The following COBLL1 variants were observed in gnomAD, a reference collection of about 807,000 sequenced individuals.
COBLL1 encodes the protein cordon-bleu WH2 repeat protein like 1, also known as cordon-bleu protein-like 1.
COBLL1 carries 50 observed loss-of-function variants against 94.8 expected under a neutral mutation model. The ratio of observed to expected loss-of-function variants is 0.53; its 90% CI spans 0.42 to 0.67. COBLL1 has a LOEUF of 0.67. Among genes scored for constraint, COBLL1 ranks in the 30% least tolerant of loss-of-function variants. The probability of loss-of-function intolerance (pLI) is 0.00; values close to 1 mark genes in which losing one functional copy is unlikely to be tolerated. For synonymous variants in COBLL1, 448 were observed against 473.8 expected (o/e 0.95, Z 0.71); for missense variants, 1,362 against 1,348.7 (o/e 1.01, Z -0.15).
intron 2 of COBLL1, chr2:164,779,538 C>T (rs1404152551): frequency 1.8e-5 from 6 of 342,334 alleles, no homozygotes; most frequent in South Asian, 1.5e-4. Context: ...TTCCTCCTTG[C>T]TCTTAATGAC....
At chr2:164,743,391 C>A (rs1686695851) in intron 3 of COBLL1, 1 of 226,798 alleles carries the variant, frequency 4.4e-6, no homozygotes, top group South Asian at 8.2e-5. Flanking sequence ...TAACTAATGG[C>A]CATTCCTCCA....
In COBLL1 at chr2:164,721,428, C is replaced by A. The variant is rs1685435843; in HGVS notation, c.996+647G>T. ...AAAGTAGTTTGCAAATGGATCTCCA[C>A]AAAATGGCAAACTCAGGGAAAATTT... On this transcript the variant is annotated intron_variant, in intron 7 of 13. Coordinates refer to ENST00000652658, the MANE Select transcript of COBLL1 (RefSeq NM_001365672.2). Among the ~76,000 whole-genome samples the A allele has an allele frequency of 4.6e-5, 7 of 152,120 alleles. No individual in the cohort carries two copies. In the South Asian group the frequency reaches 1.5e-3, roughly 32 times the overall value.
intron 2 of COBLL1, among the ~76,000 whole-genome samples, chr2:164,759,067 T>A (rs1256293927): frequency 6.6e-6 from 1 of 152,230 alleles, no homozygotes; most frequent in Non-Finnish European, 1.5e-5. Flanking sequence ...TGGGAATGCA[T>A]GTCAGCCAAG....
chr2:164,800,172 C>G (rs917059585), intron 2 of COBLL1, among the ~76,000 whole-genome samples: 2 of 152,078 alleles, frequency 1.3e-5, no homozygotes, highest in Non-Finnish European at 2.9e-5. Flanking sequence ...ATTTCCAAAT[C>G]ACATATCAGA....
chr2:164,737,796 C>T (rs771630602), intron 3 of COBLL1, among the ~76,000 whole-genome samples: 1 of 152,108 alleles, frequency 6.6e-6, no homozygotes, highest in Non-Finnish European at 1.5e-5. Flanking sequence ...CAATAGGTGG[C>T]GCTGTAATCC....
intron 12 of COBLL1, among the ~76,000 whole-genome samples, chr2:164,693,680 G>T (rs1336555044): frequency 6.6e-6 from 1 of 152,050 alleles, no homozygotes; most frequent in Non-Finnish European, 1.5e-5. Context: ...ACATATTATA[G>T]TTGAAAGTTG....
intron 2 of COBLL1, among the ~76,000 whole-genome samples, chr2:164,661,696 T>C (rs1054375138): frequency 3.3e-5 from 5 of 152,158 alleles, no homozygotes; most frequent in South Asian, 2.1e-4. Flanking sequence ...ATTTTAAATA[T>C]TGAAATAGAG....
rs1559033267 is a variant in COBLL1, at chr2:164,805,317, C to G, written c.41+35839G>C. On this transcript the variant is annotated intron_variant, in intron 2 of 13. Coordinates refer to ENST00000652658, the MANE Select transcript of COBLL1 (RefSeq NM_001365672.2). ...TCTCTCTCTCTCTCTCTCTCTCTCT[C>G]TCTCTCTCTCTCTCTCTCTCTATAT... Among the ~76,000 whole-genome samples, 79 of 35,608 alleles carry G rather than the reference C, an allele frequency of 2.2e-3. 3 individuals are homozygous for G. The highest frequency in any genetic ancestry group is 2.7e-3 in the Non-Finnish European group (47 of 17,350). 23.4% of individuals were successfully genotyped at this position (35,608 alleles called of 152,430 possible).
At chr2:164,799,054 T>C (rs1008570566) in intron 2 of COBLL1, among the ~76,000 whole-genome samples, 1 of 143,774 alleles carries the variant, frequency 7.0e-6, no homozygotes, top group Admixed American at 6.9e-5. Context: ...GGTAAGCAAG[T>C]GGTTGCTTAC....
At chr2:164,792,107 C>A (rs757075371) in intron 2 of COBLL1, among the ~76,000 whole-genome samples, 4 of 151,286 alleles carry the variant, frequency 2.6e-5, no homozygotes, top group Non-Finnish European at 5.9e-5. Context: ...TCTTTCTATT[C>A]TTTATTTATT....
At chr2:164,747,144 C>T (rs781341038) in intron 2 of COBLL1, among the ~76,000 whole-genome samples, 21 of 151,786 alleles carry the variant, frequency 1.4e-4, no homozygotes, top group Non-Finnish European at 2.8e-4. Context: ...GTCCTTACCA[C>T]CAAAAAATAA....
At chr2:164,825,528 C>A (rs1294360471) in intron 2 of COBLL1, among the ~76,000 whole-genome samples, 1 of 152,088 alleles carries the variant, frequency 6.6e-6, no homozygotes, top group Non-Finnish European at 1.5e-5. Context: ...AATTATAGAA[C>A]AAAATCACTT....
intron 4 of COBLL1, among the ~76,000 whole-genome samples, chr2:164,729,064 C>A (rs1485911817): frequency 1.3e-5 from 2 of 151,584 alleles, no homozygotes; most frequent in Non-Finnish European, 3.0e-5. Flanking sequence ...TAATAAACAC[C>A]TAGACAGAAA....
chr2:164,819,839 T>C (rs1177889639), intron 2 of COBLL1, among the ~76,000 whole-genome samples: 3 of 152,020 alleles, frequency 2.0e-5, no homozygotes, highest in Non-Finnish European at 4.4e-5. Flanking sequence ...TGTTTGTTTG[T>C]TTTTGAGACA....
At chr2:164,801,520 G>T (rs1683804245) in intron 2 of COBLL1, among the ~76,000 whole-genome samples, 1 of 150,226 alleles carries the variant, frequency 6.7e-6, no homozygotes, top group African/African-American at 2.5e-5. Context: ...TTCTTGGGAG[G>T]CTGAGGTGGA....
chr2:164,672,628 A>G (rs1451346752), intron 1 of COBLL1, among the ~76,000 whole-genome samples: 2 of 145,302 alleles, frequency 1.4e-5, no homozygotes, highest in South Asian at 2.2e-4. Flanking sequence ...GAACCCGGGA[A>G]GCGGAGCTTG....
Position 164,837,459 on chromosome 2 carries a change from A to T in COBLL1, c.41+3697T>A, listed in dbSNP as rs1448718559. 1.5e-5 allele frequency: 7 copies of T among 466,746 alleles called. No individual in the cohort carries two copies. The East Asian group carries it at 3.5e-4, about 23-fold the overall frequency. The allele number at this position is 466,746 out of a possible 1,614,324, so 28.9% of individuals were successfully genotyped here. A position where few individuals can be genotyped will look rare whatever the true frequency, so the allele number is the denominator to read the frequency against. ...CTATCGCTCTCTTCTCCAATGCAGCATTTCAATTTTCCAACCAGTGTCTCC... is the reference window on the plus strand; with the variant it reads ...CTATCGCTCTCTTCTCCAATGCAGCTTTTCAATTTTCCAACCAGTGTCTCC... On this transcript the variant is annotated intron_variant, in intron 2 of 13. Coordinates refer to ENST00000652658, the MANE Select transcript of COBLL1 (RefSeq NM_001365672.2).
At position 164,700,556 on chromosome 2, in the gene COBLL1, C is replaced by T; in HGVS notation, c.1426G>A (p.Glu476Lys). 1 of 1,613,598 alleles carries T rather than the reference C, an allele frequency of 6.2e-7. No homozygotes were observed. Among genetic ancestry groups the T allele is most frequent in the Non-Finnish European group, 8.5e-7 (1 of 1,179,672 alleles). ...GSGEFSQNSMEEKQETKSTDG... is the reference protein window; with the variant it reads ...GSGEFSQNSMKEKQETKSTDG... ...GTGCTTTTAGTTTCTTGTTTTTCTT[C>T]CATGGAGTTTTGTGAGAACTCTCCA... The change falls in exon 10 of 14, where the codon GAA (glutamate) becomes AAA (lysine). Residue 476 changes from glutamate to lysine, a missense_variant. Glu to Lys is a moderately conservative substitution (Grantham distance 56). Transcript: ENST00000652658.
chr2:164,754,830 A>G (rs996102947), intron 2 of COBLL1, among the ~76,000 whole-genome samples: 1 of 152,224 alleles, frequency 6.6e-6, no homozygotes, highest in Non-Finnish European at 1.5e-5. Context: ...ATGATGATCT[A>G]TCACACCCAT....
Sources: gnomAD v4.1 joint callset for allele counts (sites outside exome capture counted in the v4.1 genomes callset) on GRCh38, gnomAD v4.1.1 for gene constraint, MANE v1.5 for transcripts, NCBI Gene and HGNC (gene_info 2026-07-23, HGNC 2026-07-21) for gene names.